RBMS3: variants seen among roughly 807,000 people sequenced by gnomAD.
RBMS3 encodes RNA binding motif single stranded interacting protein 3, also known as RNA-binding motif, single-stranded-interacting protein 3.
A neutral mutation model predicts 66.8 loss-of-function variants in RBMS3; 27 were observed. The ratio of observed to expected loss-of-function variants is 0.40; its 90% CI spans 0.30 to 0.56. The LOEUF (loss-of-function observed/expected upper bound fraction) is 0.56. RBMS3 is among the 20% of genes least tolerant of loss of function. RBMS3 has a pLI of 0.40. For synonymous variants in RBMS3, 188 were observed against 183.0 expected (o/e 1.03, Z -0.22); for missense variants, 513 against 549.5 (o/e 0.93, Z 0.66).
chr3:29,510,369 A>G (rs957574650), intron 3 of RBMS3, among the ~76,000 whole-genome samples: 4 of 152,160 alleles, frequency 2.6e-5, no homozygotes, highest in African/African-American at 9.7e-5. Context: ...ACTCCAGCTC[A>G]TTATTCTTCT....
intron 10 of RBMS3, among the ~76,000 whole-genome samples, chr3:29,915,539 C>T (rs988119964): frequency 3.3e-5 from 5 of 151,580 alleles, no homozygotes; most frequent in Admixed American, 6.6e-5. Context: ...CTTAAGAATC[C>T]GTAACAGTAT....
rs1327275222 is a variant in RBMS3, at chr3:29,484,886, A to G, written c.249-3555A>G. On this transcript the variant is annotated intron_variant, in intron 2 of 14. Coordinates refer to ENST00000383767, the MANE Select transcript of RBMS3 (RefSeq NM_001003793.3). ...TGATACCTTTTTCTAGTCTGGTATC[A>G]ATATAGAAGGCATGTGAAAAATGAG... is the stretch of plus-strand genomic sequence containing the variant. 3.9e-5 allele frequency among the ~76,000 whole-genome samples: 6 copies of G among 152,204 alleles called. 1 individual carries two copies. The South Asian group carries it at 1.2e-3, about 31-fold the overall frequency.
chr3:29,992,413 C>T (rs1198855479), intron 14 of RBMS3, among the ~76,000 whole-genome samples: 2 of 151,870 alleles, frequency 1.3e-5, no homozygotes, highest in Admixed American at 6.6e-5. Flanking sequence ...GGTGAAACCC[C>T]GTCTCTACTA....
intron 11 of RBMS3, among the ~76,000 whole-genome samples, chr3:29,943,332 G>T (rs929597219): frequency 1.3e-5 from 2 of 151,850 alleles, no homozygotes; most frequent in African/African-American, 4.8e-5. Context: ...CCTCCAAGGG[G>T]AGTGGGGACA....
At chr3:29,432,401 C>A (rs1456632181) in intron 1 of RBMS3, among the ~76,000 whole-genome samples, 1 of 152,110 alleles carries the variant, frequency 6.6e-6, no homozygotes, top group African/African-American at 2.4e-5. Flanking sequence ...AGCACATTGT[C>A]TTATAGACAG....
At chr3:29,681,166 A>G (rs2051474398) in intron 4 of RBMS3, among the ~76,000 whole-genome samples, 1 of 152,202 alleles carries the variant, frequency 6.6e-6, no homozygotes, top group Admixed American at 6.5e-5. Context: ...TTGTTGGCCT[A>G]TATATCCTGC....
chr3:29,690,394 G>T (rs1484056037), intron 4 of RBMS3, among the ~76,000 whole-genome samples: 1 of 152,132 alleles, frequency 6.6e-6, no homozygotes. Flanking sequence ...AGGCTTCAGT[G>T]AGCTGTGTTC....
chr3:29,750,844 G>T (rs925099911), intron 5 of RBMS3, among the ~76,000 whole-genome samples: 6 of 152,082 alleles, frequency 3.9e-5, no homozygotes, highest in Non-Finnish European at 8.8e-5. Flanking sequence ...ACTTCCAGGG[G>T]TTTCTCCTTT....
chr3:29,777,570 A>G (rs1296403733), intron 6 of RBMS3, among the ~76,000 whole-genome samples: 1 of 151,870 alleles, frequency 6.6e-6, no homozygotes, highest in East Asian at 1.9e-4. Context: ...TTAAACCTCA[A>G]AAACCTTCTT....
At chr3:29,493,268 G>A (rs2043618646) in intron 3 of RBMS3, among the ~76,000 whole-genome samples, 1 of 152,162 alleles carries the variant, frequency 6.6e-6, no homozygotes, top group Non-Finnish European at 1.5e-5. Context: ...TGAACATGGA[G>A]CTATGTAAAT....
At chr3:29,718,592 T>C (rs1237043543) in intron 4 of RBMS3, among the ~76,000 whole-genome samples, 1 of 151,976 alleles carries the variant, frequency 6.6e-6, no homozygotes, top group African/African-American at 2.4e-5. Flanking sequence ...ACTCCATTGG[T>C]TGGAGGTTGC....
chr3:29,295,928 T>A (rs2033230789), intron 1 of RBMS3, among the ~76,000 whole-genome samples: 1 of 151,766 alleles, frequency 6.6e-6, no homozygotes, highest in African/African-American at 2.4e-5. Flanking sequence ...ACACAAGGAT[T>A]AACATCTCTC....
At chr3:29,414,565 G>A (rs1040257073) in intron 1 of RBMS3, among the ~76,000 whole-genome samples, 4 of 152,026 alleles carry the variant, frequency 2.6e-5, no homozygotes, top group African/African-American at 9.7e-5. Flanking sequence ...TTCTGACAAC[G>A]GATTGTATTT....
At chr3:29,713,338 A>G (rs2053252600) in intron 4 of RBMS3, among the ~76,000 whole-genome samples, 1 of 152,092 alleles carries the variant, frequency 6.6e-6, no homozygotes, top group East Asian at 1.9e-4. Flanking sequence ...GAAAGATAAG[A>G]CATAATGTGC....
intron 10 of RBMS3, among the ~76,000 whole-genome samples, chr3:29,933,061 G>T (rs1293390991): frequency 6.6e-6 from 1 of 152,162 alleles, no homozygotes; most frequent in Non-Finnish European, 1.5e-5. Context: ...ATCCAGAGAT[G>T]CTAAAATGAA....
In RBMS3 at chr3:29,298,400, C is replaced by T. The variant is rs573150793; in HGVS notation, c.75+16644C>T. ...TGAATAAAGAGTGTATGGTTTAATT[C>T]CCTACCCTAGATGTCCTTTAATTGA... On this transcript the variant is annotated intron_variant, in intron 1 of 14. Transcript: ENST00000383767. Among the ~76,000 whole-genome samples the T allele has an allele frequency of 2.9e-4, 44 of 151,908 alleles. No homozygotes were observed. In the South Asian group the frequency reaches 8.9e-3, roughly 31 times the overall value.
intron 1 of RBMS3, among the ~76,000 whole-genome samples, chr3:29,345,530 C>T (rs571766701): frequency 1.4e-4 from 21 of 152,218 alleles, no homozygotes; most frequent in African/African-American, 5.1e-4. Flanking sequence ...ATGGGGATTC[C>T]TCTGAAAGAC....
At chr3:29,643,050 G>A (rs1019705031) in intron 4 of RBMS3, among the ~76,000 whole-genome samples, 5 of 152,034 alleles carry the variant, frequency 3.3e-5, no homozygotes, top group Admixed American at 6.6e-5. Flanking sequence ...ATAAACTCAA[G>A]TCCATTGAAC....
rs533642226 is a variant in RBMS3 at position 29,623,689 on chromosome 3, A to G, written c.399+36484A>G. Among the ~76,000 whole-genome samples the G allele has an allele frequency of 7.9e-4, 120 of 152,298 alleles. 3 individuals carry two copies. In the South Asian group the frequency reaches 0.024, roughly 30 times the overall value. On this transcript the variant is annotated intron_variant, in intron 4 of 14. Coordinates refer to ENST00000383767, the MANE Select transcript of RBMS3 (RefSeq NM_001003793.3). ...ACAAACAATTCATTTTTAAAAGATT[A>G]TAATTGAAAGTGTATGAATTGTGCT...
Sources: gnomAD v4.1 joint callset for allele counts (sites outside exome capture counted in the v4.1 genomes callset) on GRCh38, gnomAD v4.1.1 for gene constraint, MANE v1.5 for transcripts, NCBI Gene and HGNC (gene_info 2026-07-23, HGNC 2026-07-21) for gene names.